REC114: variants seen among roughly 807,000 people sequenced by gnomAD.
The protein encoded by REC114 is meiotic recombination protein REC114.
In REC114, 27 loss-of-function variants were observed where a neutral mutation model predicts 31.3. The observed-to-expected ratio is 0.86, with a 90% CI of 0.64 to 1.19. The LOEUF (loss-of-function observed/expected upper bound fraction) is 1.19, where lower values mean the gene tolerates loss of function less well. Ranked by LOEUF, REC114 falls within the 50% of genes most tolerant of loss-of-function variation. The probability of loss-of-function intolerance (pLI) is 0.00; values close to 1 mark genes in which losing one functional copy is unlikely to be tolerated. For missense variants in REC114, 344 were observed against 326.9 expected (o/e 1.05, Z -0.40); for synonymous variants, 134 against 127.7 (o/e 1.05, Z -0.33).
intron 1 of REC114, among the ~76,000 whole-genome samples, chr15:73,467,822 T>G (rs1893082073): frequency 6.6e-6 from 1 of 152,126 alleles, no homozygotes; most frequent in Non-Finnish European, 1.5e-5. Flanking sequence ...AGGTCAGAAA[T>G]TTGAAATGGG....
At chr15:73,520,071 TATA>T (rs1347362523) in intron 2 of REC114, among the ~76,000 whole-genome samples, 1 of 152,176 alleles carries the variant, frequency 6.6e-6, no homozygotes, top group Non-Finnish European at 1.5e-5. Context: ...TGAATGCATA[TATA>T]ATATCACTGA....
intron 1 of REC114, among the ~76,000 whole-genome samples, chr15:73,462,676 G>C (rs1397587125): frequency 2.6e-5 from 4 of 152,040 alleles, no homozygotes; most frequent in Non-Finnish European, 5.9e-5. Context: ...ATGAGGTCAG[G>C]AGATTGAGAC....
intron 3 of REC114, among the ~76,000 whole-genome samples, chr15:73,549,459 T>C (rs1894358433): frequency 6.6e-6 from 1 of 152,138 alleles, no homozygotes. Flanking sequence ...ATAATGGAAA[T>C]TTTTAAATAC....
chr15:73,465,446 C>G (rs1297540120), intron 1 of REC114, among the ~76,000 whole-genome samples: 1 of 152,206 alleles, frequency 6.6e-6, no homozygotes, highest in African/African-American at 2.4e-5. Context: ...TACCTTTGGT[C>G]TTTGCTCAAG....
At chr15:73,554,466 TA>T (rs1286387596) in intron 4 of REC114, among the ~76,000 whole-genome samples, 1 of 152,238 alleles carries the variant, frequency 6.6e-6, no homozygotes, top group Non-Finnish European at 1.5e-5. Flanking sequence ...CAAATAGAGA[TA>T]ATTCTATTTC....
chr15:73,467,472 G>T (rs1442791809), intron 1 of REC114, among the ~76,000 whole-genome samples: 1 of 152,160 alleles, frequency 6.6e-6, no homozygotes, highest in Non-Finnish European at 1.5e-5. Context: ...GCTCCATTAG[G>T]ATTAGGATCT....
intron 2 of REC114, among the ~76,000 whole-genome samples, chr15:73,491,282 C>CTTAATTTTTTGTATTATCTTTGTGTATT (rs1893441422): frequency 1.3e-5 from 2 of 151,794 alleles, no homozygotes; most frequent in Admixed American, 6.6e-5. Context: ...TGTGTATTAT[C>CTTAATTTTTTGTATTATCTTTGTGTATT]TTAATTTTGT....
intron 5 of REC114, among the ~76,000 whole-genome samples, chr15:73,557,162 T>C (rs964023026): frequency 9.2e-5 from 14 of 151,512 alleles, no homozygotes; most frequent in African/African-American, 3.4e-4. Flanking sequence ...CTCTGTCTCC[T>C]GGGTTCAAGT....
At chr15:73,527,599 A>G (rs772118149) in intron 2 of REC114, among the ~76,000 whole-genome samples, 15 of 152,208 alleles carry the variant, frequency 9.9e-5, no homozygotes, top group Non-Finnish European at 2.1e-4. Flanking sequence ...GTCTGAAAAT[A>G]GTTGCTTCCA....
At chr15:73,485,672 T>A (rs1893355640) in intron 2 of REC114, among the ~76,000 whole-genome samples, 1 of 152,182 alleles carries the variant, frequency 6.6e-6, no homozygotes, top group Non-Finnish European at 1.5e-5. Context: ...TCACCTTCTT[T>A]AAGCTCCCAG....
intron 1 of REC114, among the ~76,000 whole-genome samples, chr15:73,467,166 T>C (rs1331649049): frequency 6.6e-6 from 1 of 152,240 alleles, no homozygotes; most frequent in African/African-American, 2.4e-5. Context: ...AGCTTACATA[T>C]ATATTATTTA....
At chr15:73,477,345 G>T (rs1182373167) in intron 2 of REC114, among the ~76,000 whole-genome samples, 1 of 152,106 alleles carries the variant, frequency 6.6e-6, no homozygotes, top group African/African-American at 2.4e-5. Context: ...AAATTTTGAA[G>T]TTCAATATTT....
intron 2 of REC114, among the ~76,000 whole-genome samples, chr15:73,510,838 G>A (rs1346019371): frequency 2.6e-5 from 4 of 151,550 alleles, no homozygotes; most frequent in South Asian, 2.1e-4. Flanking sequence ...TGCTGGATTC[G>A]TTTTGCCAGT....
intron 1 of REC114, among the ~76,000 whole-genome samples, chr15:73,468,640 A>G (rs1893093962): frequency 6.7e-6 from 1 of 148,210 alleles, no homozygotes. Flanking sequence ...CTTGTTTCTT[A>G]TCTTAGGGAG....
intron 2 of REC114, among the ~76,000 whole-genome samples, chr15:73,483,012 A>G (rs947847103): frequency 4.0e-5 from 6 of 149,626 alleles, no homozygotes; most frequent in African/African-American, 1.5e-4. Flanking sequence ...AATGCTTATT[A>G]TTTTCTGTTT....
At chr15:73,504,859 T>A (rs958317925) in intron 2 of REC114, among the ~76,000 whole-genome samples, 1 of 152,178 alleles carries the variant, frequency 6.6e-6, no homozygotes, top group Non-Finnish European at 1.5e-5. Context: ...AAAATATAGA[T>A]GTTTTATTGG....
At chr15:73,545,024 C>G (rs895646618) in intron 3 of REC114, among the ~76,000 whole-genome samples, 2 of 152,274 alleles carry the variant, frequency 1.3e-5, no homozygotes, top group Admixed American at 1.3e-4. Flanking sequence ...AGCCTGTGGC[C>G]TAAGCATCTC....
intron 2 of REC114, among the ~76,000 whole-genome samples, chr15:73,529,894 C>T (rs192384817): frequency 6.6e-6 from 1 of 152,266 alleles, no homozygotes; most frequent in African/African-American, 2.4e-5. Flanking sequence ...TAATCTGGTA[C>T]ATACTTCTGG....
chr15:73,516,759 C>T (rs1311252179), intron 2 of REC114, among the ~76,000 whole-genome samples: 2 of 152,176 alleles, frequency 1.3e-5, no homozygotes, highest in African/African-American at 2.4e-5. Context: ...TCCCGAGTAG[C>T]TGAGATTACA....
Sources: allele counts gnomAD v4.1 joint callset (sites outside exome capture counted in the v4.1 genomes callset), GRCh38; gene constraint gnomAD v4.1.1; transcripts MANE v1.5; gene names NCBI Gene and HGNC (gene_info 2026-07-23, HGNC 2026-07-21).